The following ASB18 variants were observed in gnomAD, a reference collection of about 807,000 sequenced individuals.
The protein encoded by ASB18 is ankyrin repeat and SOCS box protein 18.
In ASB18, 33 loss-of-function variants were observed where a neutral mutation model predicts 33.4. That is an observed-to-expected ratio of 0.99 (90% CI 0.75 to 1.32). ASB18 has a LOEUF of 1.32. Ranked by LOEUF, ASB18 falls within the 40% of genes most tolerant of loss-of-function variation. ASB18 has a pLI of 0.00. For missense variants in ASB18, 694 were observed against 655.5 expected (o/e 1.06, Z -0.64); for synonymous variants, 295 against 307.6 (o/e 0.96, Z 0.43).
rs943234623 is a variant in ASB18, at chr2:236,217,797, A to G, written c.597-2931T>C. The stretch of plus-strand genomic sequence containing the variant: ...GTGAAAGATCTTTACAAACAAGTAC[A>G]GTTTGATGTGGAGTCCTTTGGGACC... On this transcript the variant is annotated intron_variant, in intron 3 of 5. Coordinates refer to ENST00000409749, the MANE Select transcript of ASB18 (RefSeq NM_212556.4). The surrounding 1 kb of genome is among the most constrained non-coding windows in gnomAD (Gnocchi z 5.2). Among the ~76,000 whole-genome samples, 5 of 152,184 alleles carry G rather than the reference A, an allele frequency of 3.3e-5. No homozygotes were observed. Among genetic ancestry groups the G allele is most frequent in the Non-Finnish European group, 7.3e-5 (5 of 68,028 alleles).
At chr2:236,197,195 C>A (rs1377359617) in intron 4 of ASB18, among the ~76,000 whole-genome samples, 2 of 151,924 alleles carry the variant, frequency 1.3e-5, no homozygotes, top group Admixed American at 1.3e-4. Context: ...TTTGAAGAAA[C>A]AAAGATAATA....
Position 236,241,254 on chromosome 2 carries a change from G to T in ASB18, c.328+26C>A. On this transcript the variant is annotated intron_variant, in intron 2 of 5. Transcript: ENST00000409749. This position sits in a 1 kb window ranked among gnomAD's most constrained non-coding sequence, Gnocchi z 4.2. ...TATTAGTAGCCCCTTAAAAATAAAT[G>T]ACTGAGCTTTAAAGAACAAGGGTAC... 1.2e-6 allele frequency: 2 copies of T among 1,611,900 alleles called. No individual in the cohort carries two copies. Among genetic ancestry groups the T allele is most frequent in the South Asian group, 2.2e-5 (2 of 90,806 alleles).
Position 236,238,684 on chromosome 2 carries a change from C to T in ASB18, c.329-728G>A, listed in dbSNP as rs537244228. ...GAGCAGGTGCTATACATTTTTACTT[C>T]TCTGAAAACTTTGGCACTTTCAAAA... On this transcript the variant is annotated intron_variant, in intron 2 of 5. Coordinates refer to ENST00000409749, the MANE Select transcript of ASB18 (RefSeq NM_212556.4). This position sits in a 1 kb window ranked among gnomAD's most constrained non-coding sequence, Gnocchi z 5.2. Among the ~76,000 whole-genome samples the T allele has an allele frequency of 6.6e-6, 1 of 151,992 alleles. No individual in the cohort carries two copies. Among genetic ancestry groups the T allele is most frequent in the South Asian group, 2.1e-4 (1 of 4,802 alleles).
At position 236,264,189 on chromosome 2, in the gene ASB18, C is replaced by T. The variant is rs762327221; in HGVS notation, c.157G>A (p.Asp53Asn). ...VDAVIELAND[D>N]WMKDPSAQLP... is the part of the protein sequence containing the mutation. ...TGAGCCGAGGGGTCTTTCATCCAGT[C>T]GTCATTGGCCAGTTCTATCACAGCG... Residue 53 changes from aspartate to asparagine, a missense_variant, in exon 1 of 6, where the codon GAC becomes AAC. Transcript: ENST00000409749. The surrounding 1 kb of genome is among the most constrained non-coding windows in gnomAD (Gnocchi z 5.1). 8.1e-6 allele frequency: 13 copies of T among 1,613,788 alleles called. No homozygotes were observed. In the South Asian group the frequency reaches 8.8e-5, roughly 11 times the overall value.
At position 236,237,192 on chromosome 2, in the gene ASB18, T is replaced by TA. The variant is rs1047880273; in HGVS notation, c.596+496dup. On this transcript the variant is annotated intron_variant, in intron 3 of 5. Coordinates refer to ENST00000409749, the MANE Select transcript of ASB18 (RefSeq NM_212556.4). The surrounding 1 kb of genome is among the most constrained non-coding windows in gnomAD (Gnocchi z 6.2). ...CAATTATTCTGCATAAAATTATCAT[T>TA]AAAAACCCTAATTTTTCAGCCTCCA... 6.6e-6 allele frequency among the ~76,000 whole-genome samples: 1 copy of TA among 152,120 alleles called. No homozygotes were observed. The highest frequency in any genetic ancestry group is 1.5e-5 in the Non-Finnish European group (1 of 67,988).
Position 236,214,578 on chromosome 2 carries a change from G to T in ASB18, c.885C>A (p.Ser295Arg), listed in dbSNP as rs1269892200. 17 of 1,324,350 alleles carry T rather than the reference G, an allele frequency of 1.3e-5. No homozygotes were observed. The highest frequency in any genetic ancestry group is 6.4e-5 in the East Asian group (2 of 31,302). The allele number at this position is 1,324,350 out of a possible 1,614,324, so 82.0% of individuals were successfully genotyped here. A position where few individuals can be genotyped will look rare whatever the true frequency, so the allele number is the denominator to read the frequency against. The stretch of plus-strand genomic sequence containing the variant: ...CGTGGCCGCAGGCTTTGTGCAGCGG[G>T]CTGCGCTCGTCCTCGTCGCGCGCGT... Reference protein sequence around the residue: ...EADARDEDERSPLHKACGHAS... With the variant: ...EADARDEDERRPLHKACGHAS... Residue 295 changes from serine (S) to arginine (R), a missense_variant, in exon 4 of 6, where the codon AGC becomes AGA. Physicochemically the swap from Ser to Arg is moderately radical, Grantham distance 110. Transcript: ENST00000409749. This position sits in a 1 kb window ranked among gnomAD's most constrained non-coding sequence, Gnocchi z 6.5.
Position 236,260,328 on chromosome 2 carries a change from CCT to C in ASB18, c.205+3811_205+3812del, listed in dbSNP as rs936781817. ...GCTCTGCCCCCTCTCTTGGCCCAGC[CCT>C]GTTTTCCTGTGTTATCATTCCTTCC... On this transcript the variant is annotated intron_variant, in intron 1 of 5. Transcript: ENST00000409749. This position sits in a 1 kb window ranked among gnomAD's most constrained non-coding sequence, Gnocchi z 5.1. Among the ~76,000 whole-genome samples the C allele has an allele frequency of 6.6e-6, 1 of 152,202 alleles. No individual in the cohort carries two copies. The highest frequency in any genetic ancestry group is 2.4e-5 in the African/African-American group (1 of 41,444).
Position 236,255,926 on chromosome 2 carries a change from G to T in ASB18, c.205+8215C>A, listed in dbSNP as rs2060689845. On this transcript the variant is annotated intron_variant, in intron 1 of 5. Transcript: ENST00000409749. This position sits in a 1 kb window ranked among gnomAD's most constrained non-coding sequence, Gnocchi z 4.4. ...CTTCCTTTGGATCACAGCCTCCCAG[G>T]AACATGCTCCTGTTTCGAGGGTCAA... Among the ~76,000 whole-genome samples, 1 of 152,144 alleles carries T rather than the reference G, an allele frequency of 6.6e-6. No homozygotes were observed. The highest frequency in any genetic ancestry group is 2.1e-4 in the South Asian group (1 of 4,824).
Position 236,205,721 on chromosome 2 carries a change from T to C in ASB18, c.1101+8641A>G, listed in dbSNP as rs1204994291. ...TTTCAGAAAATGCATTAGAAAGGCA[T>C]GTTTTATGAACCCTTGATATCTAAA... On this transcript the variant is annotated intron_variant, in intron 4 of 5. Transcript: ENST00000409749. This position sits in a 1 kb window ranked among gnomAD's most constrained non-coding sequence, Gnocchi z 5.4. Among the ~76,000 whole-genome samples the C allele has an allele frequency of 6.6e-6, 1 of 152,232 alleles. No homozygotes were observed. The highest frequency in any genetic ancestry group is 1.5e-5 in the Non-Finnish European group (1 of 68,038).
chr2:236,218,593 T>C (rs2060498313), intron 3 of ASB18, among the ~76,000 whole-genome samples: 1 of 152,054 alleles, frequency 6.6e-6, no homozygotes, highest in Non-Finnish European at 1.5e-5. Flanking sequence ...GGTCAGGAGA[T>C]AGAGACCATC....
chr2:236,246,346 C>CAATAAAAAA (rs2060644566), intron 1 of ASB18, among the ~76,000 whole-genome samples: 1 of 32,700 alleles, frequency 3.1e-5, no homozygotes, highest in African/African-American at 9.0e-5. Context: ...GACTCCATCT[C>CAATAAAAAA]AAAAAAAAAA....
Position 236,239,921 on chromosome 2 carries a change from T to A in ASB18, c.328+1359A>T, listed in dbSNP as rs2060613509. 6.6e-6 allele frequency among the ~76,000 whole-genome samples: 1 copy of A among 152,234 alleles called. No individual in the cohort carries two copies. The highest frequency in any genetic ancestry group is 1.5e-5 in the Non-Finnish European group (1 of 68,028). ...TGCCTCCCTCTCTTCCCAGCCTGTG[T>A]GGAGGCCTTGGGCCACTACTCACTG... On this transcript the variant is annotated intron_variant, in intron 2 of 5. Coordinates refer to ENST00000409749, the MANE Select transcript of ASB18 (RefSeq NM_212556.4). This position sits in a 1 kb window ranked among gnomAD's most constrained non-coding sequence, Gnocchi z 5.6.
Position 236,237,624 on chromosome 2 carries a change from G to C in ASB18, c.596+65C>G, listed in dbSNP as rs1343460944. Reference sequence around the variant, plus strand: ...GCGGAGGCGGGGTCGGCGGTCTCGTGGGGGGAGGCGGGCGTCTGGTCTCGG... The same window carrying C: ...GCGGAGGCGGGGTCGGCGGTCTCGTCGGGGGAGGCGGGCGTCTGGTCTCGG... On this transcript the variant is annotated intron_variant, in intron 3 of 5. Coordinates refer to ENST00000409749, the MANE Select transcript of ASB18 (RefSeq NM_212556.4). The surrounding 1 kb of genome is among the most constrained non-coding windows in gnomAD (Gnocchi z 6.2). 104 of 1,281,372 alleles carry C rather than the reference G, an allele frequency of 8.1e-5. No individual in the cohort carries two copies. In the South Asian group the frequency reaches 1.2e-3, roughly 15 times the overall value. 79.4% of individuals were successfully genotyped at this position (1,281,372 alleles called of 1,614,324 possible). A position where few individuals can be genotyped will look rare whatever the true frequency, so the allele number is the denominator to read the frequency against.
In ASB18 at chr2:236,208,181, G is replaced by A. The variant is rs1173187060; in HGVS notation, c.1101+6181C>T. Among the ~76,000 whole-genome samples the A allele has an allele frequency of 2.6e-5, 4 of 152,096 alleles. No homozygotes were observed. The highest frequency in any genetic ancestry group is 4.4e-5 in the Non-Finnish European group (3 of 68,024). ...AGACAGAGCATGAACACGGAGACAC[G>A]GAGAAACCAAGCCACAGAGGGAGTG... On this transcript the variant is annotated intron_variant, in intron 4 of 5. Coordinates refer to ENST00000409749, the MANE Select transcript of ASB18 (RefSeq NM_212556.4). This position sits in a 1 kb window ranked among gnomAD's most constrained non-coding sequence, Gnocchi z 7.7.
rs1164047712 is a variant in ASB18 at position 236,195,522 on chromosome 2, T to C, written c.1216-465A>G. ...ACACACACAACTCTTCTCACTCTCT[T>C]TTTTTTTTTTTGAGATGGAGTCTAG... On this transcript the variant is annotated intron_variant, in intron 5 of 5. Transcript: ENST00000409749. The surrounding 1 kb of genome is among the most constrained non-coding windows in gnomAD (Gnocchi z 5.5). 6.1e-5 allele frequency among the ~76,000 whole-genome samples: 9 copies of C among 147,908 alleles called. 1 individual carries two copies. Among genetic ancestry groups the C allele is most frequent in the Admixed American group, 2.0e-4 (3 of 14,850 alleles).
At chr2:236,243,419 A>G (rs2060631196) in intron 1 of ASB18, among the ~76,000 whole-genome samples, 1 of 151,228 alleles carries the variant, frequency 6.6e-6, no homozygotes, top group Non-Finnish European at 1.5e-5. Context: ...TTTTTTTCCC[A>G]TCCATGTTCT....
rs1369108019 is a variant in ASB18, at chr2:236,216,504, G to C, written c.597-1638C>G. ...GAGTTAGTCGTCTTTGGCTTATTTGGGGTCTTGCTCTAGATGACTTGCTTC... is the reference window on the plus strand; with the variant it reads ...GAGTTAGTCGTCTTTGGCTTATTTGCGGTCTTGCTCTAGATGACTTGCTTC... On this transcript the variant is annotated intron_variant, in intron 3 of 5. Coordinates refer to ENST00000409749, the MANE Select transcript of ASB18 (RefSeq NM_212556.4). This position sits in a 1 kb window ranked among gnomAD's most constrained non-coding sequence, Gnocchi z 6.1. Among the ~76,000 whole-genome samples, 1 of 152,100 alleles carries C rather than the reference G, an allele frequency of 6.6e-6. No homozygotes were observed. Among genetic ancestry groups the C allele is most frequent in the African/African-American group, 2.4e-5 (1 of 41,406 alleles).
In ASB18 at chr2:236,264,275, AG is replaced by A; in HGVS notation, c.70del (p.Leu24TrpfsTer9). On this transcript the variant is annotated frameshift_variant, in exon 1 of 6. Coordinates refer to ENST00000409749, the MANE Select transcript of ASB18 (RefSeq NM_212556.4). LOFTEE classifies it high-confidence loss of function. This position sits in a 1 kb window ranked among gnomAD's most constrained non-coding sequence, Gnocchi z 5.1. ...SDLVKRLKSA[L>X]DAKDEERVRD... ...CACTCTCTCCTCATCTTTGGCATCC[AG>A]GGCAGACTTTAATCTCTTCACTAAA... The A allele has an allele frequency of 1.9e-6, 3 of 1,614,022 alleles. No individual in the cohort carries two copies. The highest frequency in any genetic ancestry group is 2.5e-6 in the Non-Finnish European group (3 of 1,179,884).
At chr2:236,230,531 G>A (rs1233669482) in intron 3 of ASB18, among the ~76,000 whole-genome samples, 1 of 151,746 alleles carries the variant, frequency 6.6e-6, no homozygotes, top group African/African-American at 2.4e-5. Flanking sequence ...GCAATGTATT[G>A]CAGGACTTTT....
Sources: allele counts gnomAD v4.1 joint callset (sites outside exome capture counted in the v4.1 genomes callset), GRCh38; gene constraint gnomAD v4.1.1; non-coding constraint Gnocchi (gnomAD v3.1); transcripts MANE v1.5; gene names NCBI Gene and HGNC (gene_info 2026-07-23, HGNC 2026-07-21).